The following NRG1 variants were observed in gnomAD, a reference collection of about 807,000 sequenced individuals.
The protein encoded by NRG1 is neuregulin 1.
Under a neutral mutation model 63.8 loss-of-function variants are expected in NRG1, and 18 were observed. The ratio of observed to expected loss-of-function variants is 0.28; its 90% CI spans 0.19 to 0.42. NRG1 has a LOEUF of 0.42. Ranked by LOEUF, NRG1 falls within the 10% of genes least tolerant of loss-of-function variation. The probability of loss-of-function intolerance (pLI) is 1.00; values close to 1 mark genes in which losing one functional copy is unlikely to be tolerated. For missense variants in NRG1, 762 were observed against 814.7 expected, an observed-to-expected ratio of 0.94 and a Z score of 0.79; for synonymous variants, 302 against 301.3, an observed-to-expected ratio of 1.00 and a Z score of -0.02.
chr8:32,330,951 GTTTGT>G (rs1346184267), intron 1 of NRG1, among the ~76,000 whole-genome samples: 2 of 148,266 alleles, frequency 1.3e-5, no homozygotes, highest in East Asian at 3.9e-4. Context: ...AGATTGTTTT[GTTTGT>G]TTTGTTTTGT....
At chr8:32,339,951 T>C (rs1803842550) in intron 1 of NRG1, among the ~76,000 whole-genome samples, 1 of 152,142 alleles carries the variant, frequency 6.6e-6, no homozygotes, top group Non-Finnish European at 1.5e-5. Context: ...ATCTGCTTGA[T>C]GAGGTCTGAG....
chr8:32,656,696 A>T (rs1376993720), intron 5 of NRG1, among the ~76,000 whole-genome samples: 1 of 152,142 alleles, frequency 6.6e-6, no homozygotes, highest in African/African-American at 2.4e-5. Flanking sequence ...TTGAACTCTA[A>T]ATCAATACTG....
intron 1 of NRG1, among the ~76,000 whole-genome samples, chr8:32,433,518 A>G (rs1818424715): frequency 6.6e-6 from 1 of 152,174 alleles, no homozygotes; most frequent in African/African-American, 2.4e-5. Context: ...GAAATAATTA[A>G]TTCTTTAAGC....
intron 1 of NRG1, among the ~76,000 whole-genome samples, chr8:31,954,216 G>A (rs1425409087): frequency 2.6e-5 from 4 of 152,044 alleles, no homozygotes; most frequent in Non-Finnish European, 5.9e-5. Context: ...CCTAGATTTT[G>A]GACAGATATT....
intron 1 of NRG1, among the ~76,000 whole-genome samples, chr8:32,479,896 C>T (rs1825035200): frequency 6.6e-6 from 1 of 152,084 alleles, no homozygotes; most frequent in South Asian, 2.1e-4. Context: ...GATGTACCCA[C>T]CTTGGCCTCC....
chr8:32,353,922 G>A (rs1805983211), intron 1 of NRG1, among the ~76,000 whole-genome samples: 1 of 152,206 alleles, frequency 6.6e-6, no homozygotes, highest in Admixed American at 6.5e-5. Flanking sequence ...CCACCCAAAT[G>A]TCTATCAGCA....
chr8:31,969,462 A>G (rs1806919389), intron 1 of NRG1, among the ~76,000 whole-genome samples: 5 of 152,110 alleles, frequency 3.3e-5, no homozygotes, highest in Admixed American at 3.3e-4. Flanking sequence ...ACATCAACAA[A>G]TCCTGGAATG....
At chr8:32,137,297 T>C (rs1368429950) in intron 1 of NRG1, among the ~76,000 whole-genome samples, 2 of 151,836 alleles carry the variant, frequency 1.3e-5, no homozygotes, top group Non-Finnish European at 2.9e-5. Context: ...AATACAAAAA[T>C]TAGGCCTGGT....
At chr8:32,181,468 G>A (rs1841423935) in intron 1 of NRG1, among the ~76,000 whole-genome samples, 2 of 152,098 alleles carry the variant, frequency 1.3e-5, no homozygotes, top group South Asian at 2.1e-4. Context: ...TCTGGCATAT[G>A]CAGGCACACA....
chr8:31,907,429 C>T (rs547612051), intron 1 of NRG1, among the ~76,000 whole-genome samples: 1 of 150,884 alleles, frequency 6.6e-6, no homozygotes, highest in Non-Finnish European at 1.5e-5. Context: ...TTTTACAAAT[C>T]CTAAGCAAAG....
chr8:31,941,562 G>C (rs562768473), intron 1 of NRG1, among the ~76,000 whole-genome samples: 1 of 152,194 alleles, frequency 6.6e-6, no homozygotes, highest in East Asian at 1.9e-4. Flanking sequence ...ACAAGACAAA[G>C]AAATTAAGAG....
chr8:32,444,624 G>A (rs1416048743), intron 1 of NRG1, among the ~76,000 whole-genome samples: 3 of 152,104 alleles, frequency 2.0e-5, no homozygotes, highest in Non-Finnish European at 4.4e-5. Context: ...TTCCCAAAGG[G>A]GGAACCCATA....
In NRG1 at chr8:31,865,602, T is replaced by C. The variant is rs962521649; in HGVS notation, c.37+226171T>C. On this transcript the variant is annotated intron_variant, in intron 1 of 10. Transcript: ENST00000519301. ...AGTGAGTTATCATGACATCTGATGG[T>C]TTTTTATAACAGGGTTTTCCTCCTT... Among the ~76,000 whole-genome samples the C allele has an allele frequency of 4.0e-5, 6 of 151,744 alleles. 1 individual carries two copies. Among genetic ancestry groups the C allele is most frequent in the Admixed American group, 3.9e-4 (6 of 15,212 alleles).
chr8:32,213,910 C>A (rs1220846946), intron 1 of NRG1, among the ~76,000 whole-genome samples: 1 of 152,090 alleles, frequency 6.6e-6, no homozygotes, highest in Non-Finnish European at 1.5e-5. Flanking sequence ...AGAATCTCAG[C>A]AAAGGAACAA....
chr8:32,520,373 G>C (rs931180777), intron 1 of NRG1, among the ~76,000 whole-genome samples: 3 of 150,942 alleles, frequency 2.0e-5, no homozygotes, highest in Non-Finnish European at 4.4e-5. Flanking sequence ...TGCCCAGGCT[G>C]GTCTCGAACT....
chr8:31,643,983 A>G (rs1431359708), intron 1 of NRG1, among the ~76,000 whole-genome samples: 1 of 152,190 alleles, frequency 6.6e-6, no homozygotes, highest in Non-Finnish European at 1.5e-5. Context: ...GTATGCATGT[A>G]TTGATAATGT....
At chr8:32,180,806 A>G (rs573098134) in intron 1 of NRG1, among the ~76,000 whole-genome samples, 1 of 152,122 alleles carries the variant, frequency 6.6e-6, no homozygotes, top group African/African-American at 2.4e-5. Context: ...TGTGTGCTGC[A>G]TTGTTTTTTT....
intron 1 of NRG1, among the ~76,000 whole-genome samples, chr8:31,752,726 G>A (rs1179398491): frequency 6.6e-6 from 1 of 152,020 alleles, no homozygotes; most frequent in Non-Finnish European, 1.5e-5. Context: ...GCTGAGACTG[G>A]TAGCCATAGA....
At chr8:32,053,456 C>T (rs1822319329) in intron 1 of NRG1, among the ~76,000 whole-genome samples, 1 of 152,148 alleles carries the variant, frequency 6.6e-6, no homozygotes, top group East Asian at 1.9e-4. Flanking sequence ...CTCTTCTGCT[C>T]AGCTTTGTGG....
Sources: allele counts gnomAD v4.1 joint callset (sites outside exome capture counted in the v4.1 genomes callset), GRCh38; gene constraint gnomAD v4.1.1; transcripts MANE v1.5; gene names NCBI Gene and HGNC (gene_info 2026-07-23, HGNC 2026-07-21).